DLG2: variants seen among roughly 807,000 people sequenced by gnomAD.
The protein encoded by DLG2 is discs large MAGUK scaffold protein 2.
In DLG2, 45 loss-of-function variants were observed where a neutral mutation model predicts 132.5. The observed-to-expected ratio is 0.34, with a 90% CI of 0.27 to 0.44. DLG2 has a LOEUF of 0.44. Among genes scored for constraint, DLG2 ranks in the 20% least tolerant of loss-of-function variants. The probability of loss-of-function intolerance (pLI) is 1.00; values close to 1 mark genes in which losing one functional copy is unlikely to be tolerated. For synonymous variants in DLG2, 424 were observed against 419.6 expected (o/e 1.01, Z -0.13); for missense variants, 1,045 against 1,196.9 (o/e 0.87, Z 1.87).
chr11:84,024,929 T>C (rs1257715381), intron 11 of DLG2, among the ~76,000 whole-genome samples: 1 of 152,108 alleles, frequency 6.6e-6, no homozygotes, highest in African/African-American at 2.4e-5. Flanking sequence ...GTTAAGTATT[T>C]GAGGTGACAG....
chr11:84,702,477 G>A (rs560801622), intron 6 of DLG2, among the ~76,000 whole-genome samples: 1 of 151,608 alleles, frequency 6.6e-6, no homozygotes, highest in African/African-American at 2.4e-5. Context: ...CATTCTTTCA[G>A]ACCTCTGGAC....
intron 10 of DLG2, 66 bp downstream of exon 10, chr11:84,098,857 T>A (rs926349287): frequency 1.9e-6 from 3 of 1,547,866 alleles, no homozygotes; most frequent in Non-Finnish European, 2.6e-6. Flanking sequence ...TCTTCAAAGG[T>A]ACAAATGTGT....
chr11:84,270,406 T>C (rs1034196604), intron 7 of DLG2, among the ~76,000 whole-genome samples: 2 of 152,202 alleles, frequency 1.3e-5, no homozygotes, highest in African/African-American at 2.4e-5. Context: ...ATATGTGAAA[T>C]CAAATCCTGA....
chr11:85,514,671 T>C (rs1482080510), intron 3 of DLG2, among the ~76,000 whole-genome samples: 1 of 151,948 alleles, frequency 6.6e-6, no homozygotes, highest in African/African-American at 2.4e-5. Flanking sequence ...GCATTAGCTG[T>C]TTTGTTTTAA....
chr11:85,507,021 C>T (rs1439848684), intron 3 of DLG2, among the ~76,000 whole-genome samples: 1 of 152,032 alleles, frequency 6.6e-6, no homozygotes, highest in East Asian at 1.9e-4. Context: ...TTTTATCAGA[C>T]TGGGATTGTA....
intron 18 of DLG2, among the ~76,000 whole-genome samples, chr11:83,704,915 C>T (rs1028461866): frequency 6.6e-6 from 1 of 152,154 alleles, no homozygotes; most frequent in Non-Finnish European, 1.5e-5. Context: ...GACTAAACTT[C>T]CGGATATTAC....
At chr11:83,870,500 C>G (rs142921226) in intron 16 of DLG2, among the ~76,000 whole-genome samples, 3 of 152,192 alleles carry the variant, frequency 2.0e-5, no homozygotes, top group African/African-American at 7.2e-5. Context: ...TTTTATTCAT[C>G]CAGTCATTCG....
intron 18 of DLG2, among the ~76,000 whole-genome samples, chr11:83,635,660 T>G (rs573993449): frequency 8.5e-5 from 13 of 152,264 alleles, no homozygotes; most frequent in Admixed American, 7.2e-4. Flanking sequence ...GTATTAAGAC[T>G]TTTCCCCCCT....
intron 21 of DLG2, among the ~76,000 whole-genome samples, chr11:83,518,221 C>T (rs900032637): frequency 2.0e-4 from 30 of 152,172 alleles, no homozygotes; most frequent in African/African-American, 6.3e-4. Context: ...TTGGCAATGG[C>T]GGGAGCCCCT....
At chr11:85,054,587 T>G (rs2063261975) in intron 6 of DLG2, among the ~76,000 whole-genome samples, 1 of 152,190 alleles carries the variant, frequency 6.6e-6, no homozygotes, top group Non-Finnish European at 1.5e-5. Flanking sequence ...GCAGCACTAT[T>G]TGTAACAGCA....
chr11:84,731,927 C>T (rs1049651991), intron 6 of DLG2, among the ~76,000 whole-genome samples: 1 of 151,958 alleles, frequency 6.6e-6, no homozygotes, highest in African/African-American at 2.4e-5. Flanking sequence ...ATAACCTCTA[C>T]CCCTCATACT....
At chr11:84,393,944 G>A (rs1348053579) in intron 7 of DLG2, among the ~76,000 whole-genome samples, 13 of 152,090 alleles carry the variant, frequency 8.5e-5, no homozygotes, top group Admixed American at 5.9e-4. Context: ...GGAGTGCAGA[G>A]GCGTGATCTT....
At chr11:85,618,271 C>CA (rs35142447) in intron 2 of DLG2, among the ~76,000 whole-genome samples, 2,991 of 148,544 alleles carry the variant, frequency 0.02, 37 homozygotes, top group African/African-American at 0.024. Flanking sequence ...TTATCCCAAT[C>CA]AAAAAAAAAA....
At chr11:84,940,301 C>T (rs560137278) in intron 6 of DLG2, among the ~76,000 whole-genome samples, 2 of 152,270 alleles carry the variant, frequency 1.3e-5, no homozygotes, top group African/African-American at 4.8e-5. Flanking sequence ...CAGGCATGTG[C>T]CACCACACCT....
At chr11:84,166,550 C>T (rs909480604) in intron 8 of DLG2, among the ~76,000 whole-genome samples, 1 of 119,774 alleles carries the variant, frequency 8.3e-6, no homozygotes, top group African/African-American at 3.1e-5. Context: ...AAGAAAAAAA[C>T]AATACCTCGA....
intron 4 of DLG2, among the ~76,000 whole-genome samples, chr11:85,267,906 G>GTA (rs1437756549): frequency 6.6e-6 from 1 of 151,750 alleles, no homozygotes; most frequent in Non-Finnish European, 1.5e-5. Context: ...GTGTGTGTGT[G>GTA]TACGTATGTG....
At chr11:85,080,338 A>G (rs2067080436) in intron 6 of DLG2, among the ~76,000 whole-genome samples, 1 of 152,140 alleles carries the variant, frequency 6.6e-6, no homozygotes, top group Admixed American at 6.6e-5. Context: ...TAAGCTATAT[A>G]GAATTAGCAA....
chr11:83,970,912 C>T (rs943239943), intron 12 of DLG2, among the ~76,000 whole-genome samples: 1 of 152,088 alleles, frequency 6.6e-6, no homozygotes, highest in African/African-American at 2.4e-5. Context: ...CAGAATAGTA[C>T]CGGATTTGGA....
At chr11:84,282,923 A>G (rs1465054156) in intron 7 of DLG2, among the ~76,000 whole-genome samples, 2 of 152,178 alleles carry the variant, frequency 1.3e-5, no homozygotes, top group African/African-American at 4.8e-5. Context: ...GTATATTTTA[A>G]ACATCAACAA....
Sources: allele counts gnomAD v4.1 joint callset (sites outside exome capture counted in the v4.1 genomes callset), GRCh38; gene constraint gnomAD v4.1.1; transcripts MANE v1.5; gene names NCBI Gene and HGNC (gene_info 2026-07-23, HGNC 2026-07-21).